OR2L2: variants seen among roughly 807,000 people sequenced by gnomAD.
The protein encoded by OR2L2 is olfactory receptor 2L2.
For missense variants in OR2L2, 378 were observed against 375.2 expected, an observed-to-expected ratio of 1.01 and a Z score of -0.06; for synonymous variants, 156 against 135.4, an observed-to-expected ratio of 1.15 and a Z score of -1.06.
chr1:248,032,583 C>T (rs767090227), intron 1 of OR2L2, among the ~76,000 whole-genome samples: 1 of 152,146 alleles, frequency 6.6e-6, no homozygotes, highest in Admixed American at 6.6e-5. Context: ...ACTCTGGGTA[C>T]TTCCTGTACA....
intron 2 of OR2L2, 180 bp from the exon 3 acceptor site, chr1:248,038,067 A>G: frequency 2.2e-6 from 1 of 464,256 alleles, no homozygotes; most frequent in South Asian, 4.1e-5. Context: ...ATTTTTGTTA[A>G]TCTCTTCCTT....
At chr1:248,035,056 T>C (rs984406527) in intron 1 of OR2L2, among the ~76,000 whole-genome samples, 26 of 152,060 alleles carry the variant, frequency 1.7e-4, no homozygotes, top group Admixed American at 1.7e-3. Flanking sequence ...TTCCCTTTTT[T>C]TTTTTTTTTG....
rs1421497918 is a variant in OR2L2 at position 248,039,698 on chromosome 1, T to A, written c.*492T>A. On this transcript the variant is annotated 3_prime_UTR_variant, in exon 3 of 3. Transcript: ENST00000641771. ...TAAAGGTCCAAACTAATCATATCATTCAGCATAATAATTACATAATAGTTG... is the reference window on the plus strand; with the variant it reads ...TAAAGGTCCAAACTAATCATATCATACAGCATAATAATTACATAATAGTTG... 1 of 152,434 alleles carries A rather than the reference T, an allele frequency of 6.6e-6. No homozygotes were observed. Among genetic ancestry groups the A allele is most frequent in the African/African-American group, 2.4e-5 (1 of 41,424 alleles). 9.4% of individuals were successfully genotyped at this position (152,434 alleles called of 1,614,324 possible).
chr1:248,038,673 A>G lies in OR2L2; in HGVS notation c.406A>G (p.Ser136Gly), dbSNP rs746194416. ...TCCTCTCCACTATCCCATCCGTATA[A>G]GCAAAAGAGTGTGTGTGATGATGAT... is the stretch of plus-strand genomic sequence containing the variant. ...CFPLHYPIRI[S>G]KRVCVMMITG... The change falls in exon 3 of 3, where the codon AGC (serine) becomes GGC (glycine). Residue 136 changes from serine (S) to glycine (G), a missense_variant. Transcript: ENST00000641771. 1 of 1,614,166 alleles carries G rather than the reference A, an allele frequency of 6.2e-7. No homozygotes were observed. Among genetic ancestry groups the G allele is most frequent in the Admixed American group, 1.7e-5 (1 of 60,024 alleles).
intron 1 of OR2L2, among the ~76,000 whole-genome samples, chr1:248,031,981 A>T (rs1241081581): frequency 6.6e-6 from 1 of 152,162 alleles, no homozygotes; most frequent in Non-Finnish European, 1.5e-5. Flanking sequence ...CCTATATAAA[A>T]TACAAATAAT....
chr1:248,039,892 T>C lies in OR2L2; in HGVS notation c.*686T>C, dbSNP rs892909011. 3.3e-5 allele frequency: 5 copies of C among 152,248 alleles called. No homozygotes were observed. Among genetic ancestry groups the C allele is most frequent in the Admixed American group, 6.5e-5 (1 of 15,282 alleles). 9.4% of individuals were successfully genotyped at this position (152,248 alleles called of 1,614,324 possible). A position where few individuals can be genotyped will look rare whatever the true frequency, so the allele number is the denominator to read the frequency against. On this transcript the variant is annotated 3_prime_UTR_variant, in exon 3 of 3. Transcript: ENST00000641771. The stretch of plus-strand genomic sequence containing the variant: ...AAGTTTACCTGAGGATAAATAATTA[T>C]GTTTGTGGAGCAGCCAATTTGGCTT...
At position 248,040,841 on chromosome 1, in the gene OR2L2, A is replaced by G. The variant is rs1004011551; in HGVS notation, c.*1635A>G. The G allele has an allele frequency of 3.3e-5, 5 of 152,154 alleles. No individual in the cohort carries two copies. The highest frequency in any genetic ancestry group is 6.5e-5 in the Admixed American group (1 of 15,280). The allele number at this position is 152,154 out of a possible 1,614,324, so 9.4% of individuals were successfully genotyped here. On this transcript the variant is annotated 3_prime_UTR_variant, in exon 3 of 3. Transcript: ENST00000641771. ...TCCGCGTTGTCCTAGAGTCATCTGT[A>G]CTACAATTGGAATAATCATTTTCAA...
At position 248,039,235 on chromosome 1, in the gene OR2L2, C is replaced by G; in HGVS notation, c.*29C>G. On this transcript the variant is annotated 3_prime_UTR_variant, in exon 3 of 3. Transcript: ENST00000641771. ...TACGTTCTGTGTTAGAGTCAAAGCG[C>G]TAGGTTCATATCAACTTAGTAGTGT... 6.4e-7 allele frequency: 1 copy of G among 1,574,430 alleles called. No homozygotes were observed. Among genetic ancestry groups the G allele is most frequent in the Middle Eastern group, 1.7e-4 (1 of 5,832 alleles).
chr1:248,042,150 A>C lies in OR2L2; in HGVS notation c.*2944A>C, dbSNP rs2103101005. The stretch of plus-strand genomic sequence containing the variant: ...ACTGGATTAAGAAAATGTGGCACAT[A>C]TACACCATGGAATACTATGCAGCCA... On this transcript the variant is annotated 3_prime_UTR_variant, in exon 3 of 3. Coordinates refer to ENST00000641771, the MANE Select transcript of OR2L2 (RefSeq NM_001385855.1). 6.6e-6 allele frequency: 1 copy of C among 152,232 alleles called. No homozygotes were observed. Among genetic ancestry groups the C allele is most frequent in the Non-Finnish European group, 1.5e-5 (1 of 68,014 alleles). The allele number at this position is 152,232 out of a possible 1,614,324, so 9.4% of individuals were successfully genotyped here.
intron 1 of OR2L2, among the ~76,000 whole-genome samples, chr1:248,033,790 T>C (rs1227305917): frequency 1.3e-5 from 2 of 152,042 alleles, no homozygotes; most frequent in East Asian, 3.8e-4. Context: ...ACCAATGTCA[T>C]ACTGTTTTGA....
At chr1:248,033,608 TG>T (rs1461087778) in intron 1 of OR2L2, among the ~76,000 whole-genome samples, 7 of 24,502 alleles carry the variant, frequency 2.9e-4, no homozygotes, top group Non-Finnish European at 9.7e-4. Context: ...GGCTAATTTT[TG>T]TTTTTTTTTT....
chr1:248,035,021 T>C (rs1185235507), intron 1 of OR2L2, among the ~76,000 whole-genome samples: 4 of 152,206 alleles, frequency 2.6e-5, no homozygotes. Flanking sequence ...CTTCTTTCTT[T>C]TGAATTAAGA....
At position 248,039,194 on chromosome 1, in the gene OR2L2, A is replaced by G. The variant is rs757939010; in HGVS notation, c.927A>G (p.Ser309=). The change falls in exon 3 of 3, where the codon TCA becomes TCG. Residue 309 remains serine (S), a synonymous_variant. Coordinates refer to ENST00000641771, the MANE Select transcript of OR2L2 (RefSeq NM_001385855.1). The stretch of plus-strand genomic sequence containing the variant: ...CACAAGTGATTCAGAAAATCTTCTC[A>G]GTGAAAATGTAGACATACGTTCTGT... ...ALTQVIQKIF[S]VKM 1.2e-5 allele frequency: 20 copies of G among 1,608,348 alleles called. No homozygotes were observed. The highest frequency in any genetic ancestry group is 1.7e-4 in the Middle Eastern group (1 of 6,034).
chr1:248,035,619 C>G lies in OR2L2; in HGVS notation c.-27C>G, dbSNP rs1451471238. 1.3e-5 allele frequency: 2 copies of G among 152,074 alleles called. No individual in the cohort carries two copies. The highest frequency in any genetic ancestry group is 2.9e-5 in the Non-Finnish European group (2 of 68,010). The allele number at this position is 152,074 out of a possible 1,614,324, so 9.4% of individuals were successfully genotyped here. ...GACCCATAACAGACCCTTCCTGAAC[C>G]CAAAGGTAAGGACTTCAAATTTTCT... On this transcript the variant is annotated 5_prime_UTR_variant, in exon 2 of 3. Coordinates refer to ENST00000641771, the MANE Select transcript of OR2L2 (RefSeq NM_001385855.1).
intron 1 of OR2L2, among the ~76,000 whole-genome samples, chr1:248,033,127 A>T (rs1040468084): frequency 1.3e-5 from 2 of 152,232 alleles, no homozygotes; most frequent in Non-Finnish European, 2.9e-5. Context: ...GATGAAACCC[A>T]TCATAAATCG....
chr1:248,038,304 T>A lies in OR2L2; in HGVS notation c.37T>A (p.Leu13Ile). 1 of 1,612,930 alleles carries A rather than the reference T, an allele frequency of 6.2e-7. No individual in the cohort carries two copies. The highest frequency in any genetic ancestry group is 8.5e-7 in the Non-Finnish European group (1 of 1,179,264). The change falls in exon 3 of 3, where the codon TTA becomes ATA. Residue 13 changes from leucine (L) to isoleucine (I), a missense_variant. Transcript: ENST00000641771. ...NYNQTSTDFILLGLFPQSRIG... is the reference protein window; with the variant it reads ...NYNQTSTDFIILGLFPQSRIG... The stretch of plus-strand genomic sequence containing the variant: ...CAATCAAACATCAACTGATTTCATC[T>A]TATTGGGGCTGTTCCCACAATCAAG...
rs534921378 is a variant in OR2L2, at chr1:248,039,053, A to G, written c.786A>G (p.Arg262=). ...TTGCTTATACCTATGTACGTCCAAG[A>G]TCCCTGCGATCTCCAACAGAGGACA... is the stretch of plus-strand genomic sequence containing the variant. ...APFAYTYVRP[R]SLRSPTEDKI... is the part of the protein sequence containing the mutation. The change falls in exon 3 of 3, where the codon AGA becomes AGG. Residue 262 remains arginine, a synonymous_variant. Transcript: ENST00000641771. The G allele has an allele frequency of 8.7e-5, 141 of 1,613,978 alleles. 1 individual carries two copies. In the Admixed American group the frequency reaches 1.3e-3, roughly 15 times the overall value.
In OR2L2 at chr1:248,038,351, CCTCATTTTT is replaced by C. The variant is rs1662824515; in HGVS notation, c.93_101del (p.Ile33_Leu35del). 1.2e-6 allele frequency: 2 copies of C among 1,613,164 alleles called. No homozygotes were observed. Among genetic ancestry groups the C allele is most frequent in the African/African-American group, 1.3e-5 (1 of 74,938 alleles). ...CAAGAATTGGCCTTTTCGTATTCAC[CCTCATTTTT>C]CTCATTTTCCTAATGGCTCTAATTG... On this transcript the variant is annotated inframe_deletion, in exon 3 of 3. Coordinates refer to ENST00000641771, the MANE Select transcript of OR2L2 (RefSeq NM_001385855.1).
chr1:248,038,963 G>C lies in OR2L2; in HGVS notation c.696G>C (p.Gly232=). The C allele has an allele frequency of 6.2e-7, 1 of 1,614,048 alleles. No individual in the cohort carries two copies. The highest frequency in any genetic ancestry group is 8.5e-7 in the Non-Finnish European group (1 of 1,179,998). Residue 232 remains glycine, a synonymous_variant, in exon 3 of 3, where the codon GGG becomes GGC. Transcript: ENST00000641771. The part of the protein sequence containing the change: ...LAVYRMHSAE[G]RKKAYSTCST... Reference sequence around the variant, plus strand: ...TCTACCGCATGCACTCTGCAGAAGGGAGGAAGAAGGCCTATTCAACCTGTA... The same window carrying C: ...TCTACCGCATGCACTCTGCAGAAGGCAGGAAGAAGGCCTATTCAACCTGTA...
Sources: gnomAD v4.1 joint callset for allele counts (sites outside exome capture counted in the v4.1 genomes callset) on GRCh38, gnomAD v4.1.1 for gene constraint, MANE v1.5 for transcripts, NCBI Gene and HGNC (gene_info 2026-07-23, HGNC 2026-07-21) for gene names.